Variants in KYAT3 observed in about 807,000 individuals in gnomAD.
KYAT3 encodes kynurenine aminotransferase 3.
A neutral mutation model predicts 59.0 loss-of-function variants in KYAT3; 50 were observed. The ratio of observed to expected loss-of-function variants is 0.85; its 90% confidence interval spans 0.68 to 1.07. The LOEUF is 1.07. Ranked by LOEUF, KYAT3 falls within the 50% of genes least tolerant of loss-of-function variation. The pLI is 0.00. For missense variants in KYAT3, 497 were observed against 533.3 expected, an observed-to-expected ratio of 0.93 and a Z score of 0.67; for synonymous variants, 148 against 177.0, an observed-to-expected ratio of 0.84 and a Z score of 1.30.
At chr1:88,921,202 A>C in the KYAT3 span, among the ~76,000 whole-genome samples, 1 of 152,208 alleles carries the variant, frequency 6.6e-6, no homozygotes, top group African/African-American at 2.4e-5. Context: ...CATGAATGGA[A>C]GATGGCTGCT....
chr1:88,927,911 C>G, the KYAT3 span, among the ~76,000 whole-genome samples: 1 of 152,168 alleles, frequency 6.6e-6, no homozygotes, highest in Admixed American at 6.5e-5. Context: ...GTTTGGTGAT[C>G]TCTGGTATCT....
At chr1:88,925,336 C>A in the KYAT3 span, among the ~76,000 whole-genome samples, 1 of 152,228 alleles carries the variant, frequency 6.6e-6, no homozygotes, top group South Asian at 2.1e-4. Flanking sequence ...TGGGTCCCGA[C>A]CACGACTTTC....
chr1:88,961,573 A>T, intron 6 of KYAT3, 67 bp from the exon 7 acceptor site: 1 of 1,357,490 alleles, frequency 7.4e-7, no homozygotes, highest in Non-Finnish European at 1.0e-6. Context: ...ACAAACGAAT[A>T]ACCTAATAAG....
In KYAT3 at chr1:88,946,028, G is replaced by C. The variant is rs541102618; in HGVS notation, c.1142-2605C>G. Among the ~76,000 whole-genome samples, 113 of 152,266 alleles carry C rather than the reference G, an allele frequency of 7.4e-4. 2 individuals are homozygous for C. The highest frequency in any genetic ancestry group is 2.7e-3 in the African/African-American group (112 of 41,562). On this transcript the variant is annotated intron_variant, in intron 11 of 13. Transcript: ENST00000260508. Reference sequence around the variant, plus strand: ...ATATAGAATGGATTGACTGAGGAAAGAAATGGAAACTAATTAGGAGCTTAA... The same window carrying C: ...ATATAGAATGGATTGACTGAGGAAACAAATGGAAACTAATTAGGAGCTTAA...
At chr1:88,988,087 C>G (rs1677573198) in intron 2 of KYAT3, among the ~76,000 whole-genome samples, 165 bp downstream of exon 2, 1 of 152,190 alleles carries the variant, frequency 6.6e-6, no homozygotes, top group Admixed American at 6.5e-5. Flanking sequence ...CAAGCAGTTG[C>G]TCAGTGAATG....
At chr1:88,935,550 A>G (rs1675003011), downstream of KYAT3, among the ~76,000 whole-genome samples, 1 of 152,204 alleles carries the variant, frequency 6.6e-6, no homozygotes, top group Non-Finnish European at 1.5e-5. Context: ...GGTGAACATC[A>G]CCAGAGGTGA....
At chr1:88,956,060 T>C (rs887886998) in intron 8 of KYAT3, among the ~76,000 whole-genome samples, 1 of 152,204 alleles carries the variant, frequency 6.6e-6, no homozygotes, top group Non-Finnish European at 1.5e-5. Context: ...AATATCCTCA[T>C]GGCCATTGTG....
At chr1:88,979,666 A>G (rs1002680186) in intron 2 of KYAT3, 1 of 152,250 alleles carries the variant, frequency 6.6e-6, no homozygotes, top group Non-Finnish European at 1.5e-5. Flanking sequence ...GATTCCCATC[A>G]GAATGGCTGA....
intron 1 of KYAT3, among the ~76,000 whole-genome samples, chr1:88,991,827 G>A (rs1677813813): frequency 6.6e-6 from 1 of 152,358 alleles, no homozygotes; most frequent in African/African-American, 2.4e-5. Context: ...TCCCCCTCAG[G>A]TGGCCGCCAA....
At chr1:88,953,340 T>C (rs779761953) in intron 9 of KYAT3, among the ~76,000 whole-genome samples, 188 bp from the exon 10 acceptor site, 11 of 151,906 alleles carry the variant, frequency 7.2e-5, no homozygotes, top group Non-Finnish European at 1.6e-4. Context: ...AGGTTTGGAG[T>C]TGAAGACCAG....
intron 13 of KYAT3, 93 bp downstream of exon 13, chr1:88,942,912 G>T: frequency 1.0e-6 from 1 of 977,184 alleles, no homozygotes; most frequent in South Asian, 1.5e-5. Context: ...AACTGCATAT[G>T]AGCATATCAT....
intron 8 of KYAT3, 79 bp downstream of exon 8, chr1:88,961,088 G>T: frequency 6.8e-7 from 1 of 1,471,816 alleles, no homozygotes; most frequent in Admixed American, 1.7e-5. Context: ...TTTAGAGTTG[G>T]TCTGGGATGC....
At chr1:88,945,423 T>C (rs1675402274) in intron 11 of KYAT3, among the ~76,000 whole-genome samples, 1 of 152,230 alleles carries the variant, frequency 6.6e-6, no homozygotes, top group African/African-American at 2.4e-5. Flanking sequence ...AAAACTGTAA[T>C]AATCTCATTT....
At chr1:88,964,449 A>G (rs1176961612) in intron 5 of KYAT3, 1 of 157,432 alleles carries the variant, frequency 6.4e-6, no homozygotes, top group African/African-American at 2.4e-5. Context: ...CACAAAAATA[A>G]ATGAATGGAT....
intron 8 of KYAT3, among the ~76,000 whole-genome samples, chr1:88,955,545 T>A (rs899161904): frequency 6.6e-6 from 1 of 152,336 alleles, no homozygotes; most frequent in East Asian, 1.9e-4. Context: ...TCACAGGAGC[T>A]GTAGCATTCA....
intron 1 of KYAT3, among the ~76,000 whole-genome samples, chr1:88,990,471 A>G (rs1276829988): frequency 6.6e-6 from 1 of 152,154 alleles, no homozygotes; most frequent in African/African-American, 2.4e-5. Context: ...TCCAGTGGAC[A>G]TTTTGCAATT....
chr1:88,962,107 G>A lies in KYAT3; in HGVS notation c.492C>T (p.Pro164=). 6.2e-7 allele frequency: 1 copy of A among 1,613,928 alleles called. No individual in the cohort carries two copies. The highest frequency in any genetic ancestry group is 1.1e-5 in the South Asian group (1 of 91,070). ...GTGTTGCTCCAGCCATTCTCACCAT[G>A]GGCTCATAGCAGTCATAGAAAGGCA... is the stretch of plus-strand genomic sequence containing the variant. ...LIVPFYDCYE[P]MVRMAGATPV... Residue 164 remains proline (P), a synonymous_variant, in exon 6 of 14, where the codon CCC becomes CCT. Coordinates refer to ENST00000260508, the MANE Select transcript of KYAT3 (RefSeq NM_001008661.3).
the KYAT3 span, chr1:88,923,733 C>T: frequency 7.2e-6 from 2 of 278,458 alleles, no homozygotes; most frequent in Non-Finnish European, 1.4e-5. Flanking sequence ...TCTGGGAATC[C>T]ATTCTCTGCA....
chr1:88,989,860 T>C (rs754428165), intron 1 of KYAT3, among the ~76,000 whole-genome samples: 3 of 152,194 alleles, frequency 2.0e-5, no homozygotes, highest in Non-Finnish European at 4.4e-5. Context: ...CATCATGCAA[T>C]GTACTTCCTG....
Sources: allele counts gnomAD v4.1 joint callset (sites outside exome capture counted in the v4.1 genomes callset), GRCh38; gene constraint gnomAD v4.1.1; transcripts MANE v1.5; gene names NCBI Gene and HGNC (gene_info 2026-07-23, HGNC 2026-07-21).